MGAT4C: variants seen among roughly 807,000 people sequenced by gnomAD.
The protein encoded by MGAT4C is MGAT4 family member C.
Under a neutral mutation model 40.1 loss-of-function variants are expected in MGAT4C, and 19 were observed. The observed-to-expected ratio is 0.47, with a 90% CI of 0.33 to 0.70. The LOEUF (loss-of-function observed/expected upper bound fraction) is 0.70, where lower values mean the gene tolerates loss of function less well. Ranked by LOEUF, MGAT4C falls within the 30% of genes least tolerant of loss-of-function variation. The pLI is 0.02. For missense variants in MGAT4C, 491 were observed against 563.2 expected (o/e 0.87, Z 1.30); for synonymous variants, 181 against 187.1 (o/e 0.97, Z 0.27).
At chr12:86,707,892 T>C (rs1950490457) in intron 2 of MGAT4C, among the ~76,000 whole-genome samples, 1 of 152,142 alleles carries the variant, frequency 6.6e-6, no homozygotes, top group Non-Finnish European at 1.5e-5. Flanking sequence ...TGATAAATGC[T>C]TTCAGTTTTA....
chr12:86,131,743 G>GT (rs11461305), intron 1 of MGAT4C, among the ~76,000 whole-genome samples: 133,168 of 150,754 alleles, frequency 0.88, 59,025 homozygotes, highest in East Asian at 1. Context: ...ATAAAAACTG[G>GT]TTTTTTTTTC....
At chr12:86,308,936 C>A (rs1954005734) in intron 4 of MGAT4C, among the ~76,000 whole-genome samples, 1 of 150,582 alleles carries the variant, frequency 6.6e-6, no homozygotes, top group Admixed American at 6.6e-5. Flanking sequence ...AACTGATTAT[C>A]TGTAACCAGA....
chr12:86,061,842 G>A (rs1225051733), intron 1 of MGAT4C, among the ~76,000 whole-genome samples: 1 of 152,106 alleles, frequency 6.6e-6, no homozygotes, highest in East Asian at 1.9e-4. Flanking sequence ...TCTCTGGGCA[G>A]GGCATCTCTG....
Position 85,962,769 on chromosome 12 carries a change from A to G in MGAT4C, c.*16520T>C, listed in dbSNP as rs536666616. 1.3e-5 allele frequency: 2 copies of G among 151,536 alleles called. No homozygotes were observed. Among genetic ancestry groups the G allele is most frequent in the East Asian group, 1.9e-4 (1 of 5,160 alleles). 9.4% of individuals were successfully genotyped at this position (151,536 alleles called of 1,614,324 possible). A position where few individuals can be genotyped will look rare whatever the true frequency, so the allele number is the denominator to read the frequency against. On this transcript the variant is annotated 3_prime_UTR_variant, in exon 5 of 5. Coordinates refer to ENST00000611864, the MANE Select transcript of MGAT4C (RefSeq NM_001351288.2). ...ATCCCAAGATATTTTATTTCATTAT[A>G]TAAATGAAATATTTTATCTGTTATA...
chr12:86,628,887 C>T (rs1233724013), intron 2 of MGAT4C, among the ~76,000 whole-genome samples: 4 of 152,212 alleles, frequency 2.6e-5, no homozygotes, highest in African/African-American at 7.2e-5. Flanking sequence ...AACAAATTCA[C>T]ACATAACATA....
intron 2 of MGAT4C, among the ~76,000 whole-genome samples, chr12:86,571,461 A>G (rs995558456): frequency 1.3e-5 from 2 of 152,154 alleles, no homozygotes; most frequent in African/African-American, 4.8e-5. Context: ...AATATGCATT[A>G]AAGAAAACCT....
chr12:86,199,628 G>A (rs1057049575), intron 1 of MGAT4C, among the ~76,000 whole-genome samples: 1 of 151,922 alleles, frequency 6.6e-6, no homozygotes, highest in African/African-American at 2.4e-5. Context: ...CCTAATTGAA[G>A]GTGGCATTCT....
intron 4 of MGAT4C, among the ~76,000 whole-genome samples, chr12:85,980,839 T>C (rs1293822575): frequency 6.6e-6 from 1 of 152,112 alleles, no homozygotes; most frequent in Non-Finnish European, 1.5e-5. Flanking sequence ...TTTTCTCTTT[T>C]GCAAAAAGAG....
At chr12:86,747,787 AAAAG>A (rs1951174677) in intron 1 of MGAT4C, among the ~76,000 whole-genome samples, 2 of 151,460 alleles carry the variant, frequency 1.3e-5, no homozygotes, top group African/African-American at 4.8e-5. Context: ...TTTTTTAAAA[AAAAG>A]CTGGTAATAA....
Position 86,655,002 on chromosome 12 carries a change from TTTTGCTCTTGACTTA to T in MGAT4C, c.-229+72192_-229+72206del, listed in dbSNP as rs1459987160. 3.9e-5 allele frequency among the ~76,000 whole-genome samples: 6 copies of T among 152,042 alleles called. No individual in the cohort carries two copies. In the East Asian group the frequency reaches 1.2e-3, roughly 29 times the overall value. ...ATGTGATTGTGTTCATTTTTGAATC[TTTTGCTCTTGACTTA>T]TACGTGTCTTGAATACTATGCAGTT... On this transcript the variant is annotated intron_variant, in intron 2 of 7. Coordinates refer to the MGAT4C transcript ENST00000548651.
At chr12:86,333,270 A>G (rs570365585) in intron 4 of MGAT4C, among the ~76,000 whole-genome samples, 71 of 152,180 alleles carry the variant, frequency 4.7e-4, no homozygotes, top group African/African-American at 1.4e-3. Context: ...ATTATTGGGG[A>G]AAAAAATTCC....
At chr12:86,350,851 T>C (rs1955141603) in intron 3 of MGAT4C, among the ~76,000 whole-genome samples, 1 of 152,094 alleles carries the variant, frequency 6.6e-6, no homozygotes. Flanking sequence ...TATGCATTTC[T>C]GGTGGTAATA....
Position 86,141,706 on chromosome 12 carries a change from T to C in MGAT4C, c.-56-91983A>G, listed in dbSNP as rs11103864. ...ACCAGCTATACCTAATGTTCAAGTT[T>C]AGCTTTTTAGTCATAAAGAAAAAAA... On this transcript the variant is annotated intron_variant, in intron 1 of 4. Coordinates refer to ENST00000611864, the MANE Select transcript of MGAT4C (RefSeq NM_001351288.2). 5.2e-3 allele frequency among the ~76,000 whole-genome samples: 786 copies of C among 152,288 alleles called. 8 individuals are homozygous for C. The highest frequency in any genetic ancestry group is 0.018 in the African/African-American group (748 of 41,564).
At chr12:86,829,241 A>T (rs1355086924) in intron 1 of MGAT4C, among the ~76,000 whole-genome samples, 1 of 151,578 alleles carries the variant, frequency 6.6e-6, no homozygotes, top group Non-Finnish European at 1.5e-5. Context: ...ATCATTGAAA[A>T]GAAAGGATAG....
chr12:86,012,932 T>G (rs1358538425), intron 2 of MGAT4C, among the ~76,000 whole-genome samples: 29 of 150,078 alleles, frequency 1.9e-4, no homozygotes, highest in African/African-American at 7.2e-4. Flanking sequence ...GCGACCAGGG[T>G]GGGCAACGTA....
At chr12:86,489,664 G>C (rs73191485) in intron 2 of MGAT4C, among the ~76,000 whole-genome samples, 15,808 of 152,224 alleles carry the variant, frequency 0.1, 1,030 homozygotes, top group Middle Eastern at 0.25. Context: ...CTGGCCAGTT[G>C]CCACACTTGT....
intron 1 of MGAT4C, among the ~76,000 whole-genome samples, chr12:86,227,406 AT>A (rs1951134366): frequency 6.6e-6 from 1 of 151,784 alleles, no homozygotes; most frequent in South Asian, 2.1e-4. Flanking sequence ...TTCTCTCTGT[AT>A]TGGTTTCACT....
intron 1 of MGAT4C, among the ~76,000 whole-genome samples, chr12:86,743,999 C>T (rs865847665): frequency 6.6e-6 from 1 of 151,664 alleles, no homozygotes; most frequent in South Asian, 2.1e-4. Flanking sequence ...TTCAAAGAAA[C>T]CAACAAGGCA....
chr12:86,554,291 C>T (rs1238373852), intron 2 of MGAT4C, among the ~76,000 whole-genome samples: 1 of 152,154 alleles, frequency 6.6e-6, no homozygotes, highest in Non-Finnish European at 1.5e-5. Context: ...GCTCTCTATC[C>T]CTGACATGCC....
Sources: gnomAD v4.1 joint callset for allele counts (sites outside exome capture counted in the v4.1 genomes callset) on GRCh38, gnomAD v4.1.1 for gene constraint, MANE v1.5 for transcripts, NCBI Gene and HGNC (gene_info 2026-07-23, HGNC 2026-07-21) for gene names.